The following KCNQ3 variants were observed in gnomAD, a reference collection of about 807,000 sequenced individuals.
The protein encoded by KCNQ3 is potassium voltage-gated channel subfamily Q member 3, also known as potassium voltage-gated channel subfamily KQT member 3.
A neutral mutation model predicts 92.5 loss-of-function variants in KCNQ3; 30 were observed. That is an observed-to-expected ratio of 0.32 (90% confidence interval 0.24 to 0.44). KCNQ3 has a LOEUF of 0.44. KCNQ3 is among the 20% of genes least tolerant of loss of function. KCNQ3 has a pLI of 1.00. For synonymous variants in KCNQ3, 450 were observed against 468.8 expected (o/e 0.96, Z 0.52); for missense variants, 913 against 1,140.3 (o/e 0.80, Z 2.87).
chr8:132,215,868 G>A (rs1814014098), intron 1 of KCNQ3, among the ~76,000 whole-genome samples: 1 of 152,132 alleles, frequency 6.6e-6, no homozygotes, highest in African/African-American at 2.4e-5. Context: ...TGCTAAAGTT[G>A]TCCCTTAGAC....
chr8:132,170,461 G>C (rs1225847507), intron 7 of KCNQ3, 33 bp from the exon 8 acceptor site: 5 of 1,409,920 alleles, frequency 3.5e-6, no homozygotes. Context: ...AACAATGAGT[G>C]GGCACCACCT....
chr8:132,449,562 A>T (rs1022984760), intron 1 of KCNQ3, among the ~76,000 whole-genome samples: 6 of 151,828 alleles, frequency 4.0e-5, no homozygotes, highest in Non-Finnish European at 8.8e-5. Flanking sequence ...CCACAGGAAA[A>T]CACATCTCTG....
chr8:132,447,278 A>G, intron 1 of KCNQ3: 2 of 1,533,960 alleles, frequency 1.3e-6, no homozygotes, highest in East Asian at 2.4e-5. Flanking sequence ...TAACACAGCT[A>G]GAAATAACCC....
At chr8:132,364,723 G>A (rs1011222690) in intron 1 of KCNQ3, among the ~76,000 whole-genome samples, 6 of 151,778 alleles carry the variant, frequency 4.0e-5, no homozygotes, top group African/African-American at 9.7e-5. Context: ...ATGGATGGAC[G>A]ATGAATGGAT....
chr8:132,251,131 G>C (rs985902335), intron 1 of KCNQ3, among the ~76,000 whole-genome samples: 2 of 152,110 alleles, frequency 1.3e-5, no homozygotes, highest in African/African-American at 2.4e-5. Context: ...AGCTGGTGTG[G>C]TGGTATGCAT....
rs16904620 is a variant in KCNQ3, at chr8:132,175,339, C to T, written c.933+114G>A. On this transcript the variant is annotated intron_variant, in intron 5 of 14. Transcript: ENST00000388996. ...TGAGCTGAAATTGGTCTAGAGCTTACCTCTGACTGCAGAATGCAGCTGCCT... is the reference window on the plus strand; with the variant it reads ...TGAGCTGAAATTGGTCTAGAGCTTATCTCTGACTGCAGAATGCAGCTGCCT... The T allele has an allele frequency of 9.1e-3, 11,060 of 1,215,810 alleles. 708 individuals are homozygous for T. In the African/African-American group the frequency reaches 0.14, roughly 15 times the overall value. 75.3% of individuals were successfully genotyped at this position (1,215,810 alleles called of 1,614,324 possible).
At chr8:132,317,746 A>C (rs1390046411) in intron 1 of KCNQ3, among the ~76,000 whole-genome samples, 1 of 151,856 alleles carries the variant, frequency 6.6e-6, no homozygotes, top group Non-Finnish European at 1.5e-5. Context: ...ACCCCCGTGA[A>C]GTGCTTTGCC....
At chr8:132,187,720 ATGG>A (rs1187896915) in intron 1 of KCNQ3, among the ~76,000 whole-genome samples, 1 of 120,766 alleles carries the variant, frequency 8.3e-6, no homozygotes, top group African/African-American at 3.3e-5. Flanking sequence ...GGTGGTGGTG[ATGG>A]TGGTGATAGT....
intron 1 of KCNQ3, among the ~76,000 whole-genome samples, chr8:132,265,827 C>A (rs533211238): frequency 9.2e-5 from 14 of 152,180 alleles, no homozygotes; most frequent in Non-Finnish European, 2.9e-5. Context: ...GAATGAAACA[C>A]CCATATACAC....
At chr8:132,346,014 T>C (rs989524586) in intron 1 of KCNQ3, among the ~76,000 whole-genome samples, 17 of 151,796 alleles carry the variant, frequency 1.1e-4, no homozygotes, top group African/African-American at 4.1e-4. Context: ...ACAATGATGA[T>C]GATGGTGATG....
intron 1 of KCNQ3, among the ~76,000 whole-genome samples, chr8:132,281,548 G>GTATATA (rs34754909): frequency 6.7e-6 from 1 of 149,146 alleles, no homozygotes; most frequent in African/African-American, 2.5e-5. Context: ...ATATGTGTGT[G>GTATATA]TATATATATA....
chr8:132,321,998 T>G (rs2130638225), intron 1 of KCNQ3, among the ~76,000 whole-genome samples: 1 of 152,238 alleles, frequency 6.6e-6, no homozygotes, highest in Middle Eastern at 3.4e-3. Flanking sequence ...AAAGCACATT[T>G]TCTTGAAAAT....
intron 5 of KCNQ3, 24 bp from the exon 6 acceptor site, chr8:132,174,373 T>C (rs1437010201): frequency 2.8e-5 from 41 of 1,489,084 alleles, no homozygotes; most frequent in Non-Finnish European, 3.8e-5. Context: ...AGTTCAGACA[T>C]GGAGTACCAC....
At chr8:132,316,644 G>C (rs969704423) in intron 1 of KCNQ3, among the ~76,000 whole-genome samples, 5 of 152,212 alleles carry the variant, frequency 3.3e-5, no homozygotes, top group African/African-American at 1.2e-4. Flanking sequence ...CTGCAGACCA[G>C]CTGTGCAGAT....
chr8:132,466,666 T>C (rs539687808), intron 1 of KCNQ3, among the ~76,000 whole-genome samples: 3 of 152,280 alleles, frequency 2.0e-5, no homozygotes, highest in African/African-American at 7.2e-5. Flanking sequence ...ATTCTCCAAT[T>C]TGTCTTGGAA....
At chr8:132,407,108 C>G (rs568087573) in intron 1 of KCNQ3, among the ~76,000 whole-genome samples, 1 of 152,318 alleles carries the variant, frequency 6.6e-6, no homozygotes, top group East Asian at 1.9e-4. Flanking sequence ...CACAGACAGG[C>G]AGGTCCTGCC....
intron 1 of KCNQ3, among the ~76,000 whole-genome samples, chr8:132,211,605 T>C (rs562140422): frequency 1.3e-5 from 2 of 152,350 alleles, no homozygotes; most frequent in African/African-American, 4.8e-5. Flanking sequence ...AAATCTTTAA[T>C]ATGCATTCAT....
chr8:132,445,117 C>G (rs557113857), intron 1 of KCNQ3, among the ~76,000 whole-genome samples: 1 of 152,242 alleles, frequency 6.6e-6, no homozygotes, highest in African/African-American at 2.4e-5. Flanking sequence ...ACCTAAGGCT[C>G]AGAAAGGCAA....
chr8:132,319,838 T>A (rs1817849727), intron 1 of KCNQ3, among the ~76,000 whole-genome samples: 1 of 152,196 alleles, frequency 6.6e-6, no homozygotes, highest in Non-Finnish European at 1.5e-5. Context: ...TGAAGCCTAT[T>A]CAGGACTATA....
Sources: allele counts gnomAD v4.1 joint callset (sites outside exome capture counted in the v4.1 genomes callset), GRCh38; gene constraint gnomAD v4.1.1; transcripts MANE v1.5; gene names NCBI Gene and HGNC (gene_info 2026-07-23, HGNC 2026-07-21).